GNB2: variants seen among roughly 807,000 people sequenced by gnomAD.
GNB2 encodes the protein G protein subunit beta 2, also known as guanine nucleotide-binding protein G(I)/G(S)/G(T) subunit beta-2.
A neutral mutation model predicts 40.7 loss-of-function variants in GNB2; 7 were observed. The observed-to-expected ratio is 0.17, with a 90% CI of 0.10 to 0.32. The LOEUF is 0.32. GNB2 is among the 10% of genes least tolerant of loss of function. The pLI, the probability that GNB2 is intolerant of heterozygous loss-of-function variation, is 1.00. For missense variants in GNB2, 286 were observed against 473.0 expected (o/e 0.60, Z 3.67); for synonymous variants, 254 against 191.2 (o/e 1.33, Z -2.71).
Position 100,676,727 on chromosome 7 carries a change from A to G in GNB2, c.131A>G (p.Gln44Arg). 6.2e-7 allele frequency: 1 copy of G among 1,611,696 alleles called. No homozygotes were observed. The highest frequency in any genetic ancestry group is 8.5e-7 in the Non-Finnish European group (1 of 1,178,862). ...GGGCTGGACCCAGTGGGGAGAATCCAGATGAGGACCCGGAGGACCCTCCGT... is the reference window on the plus strand; with the variant it reads ...GGGCTGGACCCAGTGGGGAGAATCCGGATGAGGACCCGGAGGACCCTCCGT... ...TAGLDPVGRIQMRTRRTLRGH... is the reference protein window; with the variant it reads ...TAGLDPVGRIRMRTRRTLRGH... The change falls in exon 4 of 10, where the codon CAG becomes CGG. Residue 44 changes from glutamine to arginine, a missense_variant. By Grantham distance (43) the Gln-to-Arg change is conservative (BLOSUM62 1). Coordinates refer to ENST00000303210, the MANE Select transcript of GNB2 (RefSeq NM_005273.4).
At chr7:100,676,662 C>A in intron 3 of GNB2, 31 bp from the exon 4 acceptor site, 1 of 1,564,600 alleles carries the variant, frequency 6.4e-7, no homozygotes, top group Non-Finnish European at 8.8e-7. Flanking sequence ...CTGCCTGGGC[C>A]TCCCCGAGCG....
chr7:100,677,437 GGTGGGGCA>G, intron 5 of GNB2, 22 bp downstream of exon 5: 4 of 1,613,298 alleles, frequency 2.5e-6, no homozygotes, highest in Non-Finnish European at 3.4e-6. Flanking sequence ...CGGGCTGCGG[GGTGGGGCA>G]GGGCCACAGG....
chr7:100,678,731 T>C lies in GNB2; in HGVS notation c.953T>C (p.Leu318Pro). The change falls in exon 10 of 10, where the codon CTC (leucine) becomes CCC (proline). Residue 318 changes from leucine (L) to proline (P), a missense_variant. Physicochemically the swap from Leu to Pro is moderately conservative, Grantham distance 98 (BLOSUM62 -3). Transcript: ENST00000303210. ...GGCCACGACAACCGCGTGAGCTGCC[T>C]CGGGGTCACCGACGATGGCATGGCT... ...LAGHDNRVSC[L>P]GVTDDGMAVA... 1 of 1,613,796 alleles carries C rather than the reference T, an allele frequency of 6.2e-7. No homozygotes were observed. The highest frequency in any genetic ancestry group is 8.5e-7 in the Non-Finnish European group (1 of 1,179,994).
rs915519703 is a variant in GNB2 at position 100,679,063 on chromosome 7, G to C, written c.*262G>C. On this transcript the variant is annotated 3_prime_UTR_variant, in exon 10 of 10. Transcript: ENST00000303210. ...GGGGCCTCACCCCTCTGGAGGGCCG[G>C]AGGCAGGAGGTGGAAACCCCAGGGG... is the stretch of plus-strand genomic sequence containing the variant. 4 of 443,382 alleles carry C rather than the reference G, an allele frequency of 9.0e-6. No homozygotes were observed. Among genetic ancestry groups the C allele is most frequent in the South Asian group, 5.7e-5 (1 of 17,660 alleles). 27.5% of individuals were successfully genotyped at this position (443,382 alleles called of 1,614,324 possible).
intron 4 of GNB2, 47 bp from the exon 5 acceptor site, chr7:100,677,305 T>C (rs1204126213): frequency 6.6e-7 from 1 of 1,504,948 alleles, no homozygotes; most frequent in African/African-American, 1.4e-5. Context: ...GGGGTGTGTC[T>C]TGTTTTCACG....
In GNB2 at chr7:100,676,213, C is replaced by G. The variant is rs1414974442; in HGVS notation, c.-53C>G. ...GCGGCCAGGAGCTGCCTCCCCCAGC[C>G]CCCGTCCCGCGGCCCCCAGCCGCCC... On this transcript the variant is annotated 5_prime_UTR_variant, in exon 2 of 10. Transcript: ENST00000303210. 8.7e-7 allele frequency: 1 copy of G among 1,143,826 alleles called. No individual in the cohort carries two copies. Among genetic ancestry groups the G allele is most frequent in the Non-Finnish European group, 1.3e-6 (1 of 787,456 alleles). The allele number at this position is 1,143,826 out of a possible 1,614,324, so 70.9% of individuals were successfully genotyped here. A position where few individuals can be genotyped will look rare whatever the true frequency, so the allele number is the denominator to read the frequency against.
Position 100,678,532 on chromosome 7 carries a change from C to T in GNB2, c.834C>T (p.Phe278=). The T allele has an allele frequency of 6.2e-7, 1 of 1,613,914 alleles. No homozygotes were observed. The highest frequency in any genetic ancestry group is 8.5e-7 in the Non-Finnish European group (1 of 1,179,948). ...NIICGITSVA[F]SRSGRLLLAG... ...TCTGTGGCATCACCTCTGTTGCCTT[C>T]TCGCGCAGCGGACGGCTGCTGCTCG... The change falls in exon 9 of 10, where the codon TTC becomes TTT. Residue 278 remains phenylalanine (F), a synonymous_variant. Coordinates refer to ENST00000303210, the MANE Select transcript of GNB2 (RefSeq NM_005273.4).
rs533482056 is a variant in GNB2 at position 100,676,243 on chromosome 7, C to A, written c.-23C>A. On this transcript the variant is annotated 5_prime_UTR_variant, in exon 2 of 10. Transcript: ENST00000303210. The stretch of plus-strand genomic sequence containing the variant: ...TCCCGCGGCCCCCAGCCGCCCCCAA[C>A]CCTGCCCCACGGGCCCGGCGCCATG... 2.6e-6 allele frequency: 4 copies of A among 1,563,222 alleles called. No individual in the cohort carries two copies. The highest frequency in any genetic ancestry group is 4.6e-5 in the East Asian group (2 of 43,642).
intron 1 of GNB2, among the ~76,000 whole-genome samples, chr7:100,674,326 C>T (rs1340136304): frequency 6.6e-6 from 1 of 151,694 alleles, no homozygotes; most frequent in African/African-American, 2.4e-5. Flanking sequence ...TGCCGGCCCT[C>T]GCCTTGCACA....
At position 100,678,171 on chromosome 7, in the gene GNB2, TCCCTGG is replaced by T; in HGVS notation, c.575_580del (p.Leu192_Ala193del). 1 of 1,613,978 alleles carries T rather than the reference TCCCTGG, an allele frequency of 6.2e-7. No homozygotes were observed. Among genetic ancestry groups the T allele is most frequent in the Non-Finnish European group, 8.5e-7 (1 of 1,179,840 alleles). On this transcript the variant is annotated inframe_deletion, in exon 8 of 10. Coordinates refer to ENST00000303210, the MANE Select transcript of GNB2 (RefSeq NM_005273.4). ...ACACAGTGGGGATGTGATGTCCCTG[TCCCTGG>T]CCCCCGATGGCCGCACGTTTGTGTC...
At chr7:100,677,468 T>A in intron 5 of GNB2, 30 bp from the exon 6 acceptor site, 1 of 1,613,072 alleles carries the variant, frequency 6.2e-7, no homozygotes, top group East Asian at 2.2e-5. Context: ...CCTGGCTGGC[T>A]CTGACCCCGG....
In GNB2 at chr7:100,676,587, G is replaced by C. The variant is rs374972485; in HGVS notation, c.96+14G>C. On this transcript the variant is annotated intron_variant, in intron 3 of 9. Transcript: ENST00000303210. ...ACACTGACCCAGGTGAGGGCACTTG[G>C]TGGCCAGAGCGTAACTAGGGGTTGA... 1.7e-5 allele frequency: 27 copies of C among 1,607,242 alleles called. No homozygotes were observed. Among genetic ancestry groups the C allele is most frequent in the Non-Finnish European group, 2.3e-5 (27 of 1,173,820 alleles).
At position 100,678,547 on chromosome 7, in the gene GNB2, G is replaced by A. The variant is rs752609096; in HGVS notation, c.849G>A (p.Arg283=). Residue 283 remains arginine (R), a synonymous_variant, in exon 9 of 10, where the codon CGG becomes CGA. Transcript: ENST00000303210. ...CTGTTGCCTTCTCGCGCAGCGGACG[G>A]CTGCTGCTCGCTGGCTACGACGACT... is the stretch of plus-strand genomic sequence containing the variant. The part of the protein sequence containing the change: ...ITSVAFSRSG[R]LLLAGYDDFN... The A allele has an allele frequency of 1.9e-6, 3 of 1,613,878 alleles. No homozygotes were observed. The highest frequency in any genetic ancestry group is 2.2e-5 in the South Asian group (2 of 91,092).
Position 100,678,078 on chromosome 7 carries a change from T to C in GNB2, c.498-20T>C. 1.9e-6 allele frequency: 3 copies of C among 1,593,142 alleles called. No individual in the cohort carries two copies. Among genetic ancestry groups the C allele is most frequent in the Middle Eastern group, 1.7e-4 (1 of 6,010 alleles). ...TTCGCCCTGTCTCTTATCTTTTCTT[T>C]CTTCCTGTCACCTCTCCAGTGCCCT... is the stretch of plus-strand genomic sequence containing the variant. On this transcript the variant is annotated intron_variant, in intron 7 of 9. Transcript: ENST00000303210.
rs1177814064 is a variant in GNB2, at chr7:100,677,765, T to C, written c.444T>C (p.Cys148=). Residue 148 remains cysteine, a synonymous_variant, in exon 7 of 10, where the codon TGT becomes TGC. Transcript: ENST00000303210. ...CTCCTTCCCCAGGGTACCTGTCGTG[T>C]TGCCGCTTCCTGGATGACAACCAAA... ...ELPGHTGYLS[C]CRFLDDNQII... 6.2e-7 allele frequency: 1 copy of C among 1,613,836 alleles called. No individual in the cohort carries two copies. Among genetic ancestry groups the C allele is most frequent in the Admixed American group, 1.7e-5 (1 of 60,028 alleles).
chr7:100,676,136 C>G, intron 1 of GNB2, 41 bp from the exon 2 acceptor site: 1 of 573,552 alleles, frequency 1.7e-6, no homozygotes, highest in Non-Finnish European at 3.0e-6. Flanking sequence ...TCCCCACTTC[C>G]CCGGCGGCCT....
chr7:100,677,625 A>T lies in GNB2; in HGVS notation c.395A>T (p.Asn132Ile). ...SIYSLKTREGNVRVSRELPGH... is the reference protein window; with the variant it reads ...SIYSLKTREGIVRVSRELPGH... ...TACAGCCTCAAGACCCGCGAGGGCA[A>T]CGTCAGGGTCAGCCGGGAGCTGCCT... Residue 132 changes from asparagine to isoleucine, a missense_variant, in exon 6 of 10, where the codon AAC becomes ATC. Coordinates refer to ENST00000303210, the MANE Select transcript of GNB2 (RefSeq NM_005273.4). 1 of 1,613,472 alleles carries T rather than the reference A, an allele frequency of 6.2e-7. No individual in the cohort carries two copies. Among genetic ancestry groups the T allele is most frequent in the Non-Finnish European group, 8.5e-7 (1 of 1,180,026 alleles).
chr7:100,674,236 C>T (rs1804303173), intron 1 of GNB2, among the ~76,000 whole-genome samples: 1 of 151,532 alleles, frequency 6.6e-6, no homozygotes, highest in Non-Finnish European at 1.5e-5. Flanking sequence ...CCTCTAGGCC[C>T]CGCCCCGCCC....
At position 100,676,276 on chromosome 7, in the gene GNB2, T is replaced by C; in HGVS notation, c.11T>C (p.Leu4Pro). MSE[L>P]EQLRQEAEQL... ...CACGGGCCCGGCGCCATGAGTGAGC[T>C]GGAGCAACTGAGACAGGAGGCCGAG... Residue 4 changes from leucine (L) to proline (P), a missense_variant, in exon 2 of 10, where the codon CTG becomes CCG. Transcript: ENST00000303210. 6.2e-7 allele frequency: 1 copy of C among 1,606,846 alleles called. No homozygotes were observed.
Sources: gnomAD v4.1 joint callset for allele counts (sites outside exome capture counted in the v4.1 genomes callset) on GRCh38, gnomAD v4.1.1 for gene constraint, MANE v1.5 for transcripts, NCBI Gene and HGNC (gene_info 2026-07-23, HGNC 2026-07-21) for gene names.